Variants in INPP4B observed in about 807,000 individuals in gnomAD.
The protein encoded by INPP4B is inositol polyphosphate-4-phosphatase type II B.
INPP4B carries 55 observed loss-of-function variants against 122.5 expected under a neutral mutation model. The observed-to-expected ratio is 0.45, with a 90% CI of 0.36 to 0.56. The LOEUF (loss-of-function observed/expected upper bound fraction) is 0.56, where lower values mean the gene tolerates loss of function less well. Among genes scored for constraint, INPP4B ranks in the 20% least tolerant of loss-of-function variants. The probability of loss-of-function intolerance (pLI) is 0.00; values close to 1 mark genes in which losing one functional copy is unlikely to be tolerated. For synonymous variants in INPP4B, 403 were observed against 388.7 expected (o/e 1.04, Z -0.43); for missense variants, 1,000 against 1,097.7 (o/e 0.91, Z 1.26).
At chr4:142,177,412 A>G (rs1362571182) in intron 15 of INPP4B, among the ~76,000 whole-genome samples, 1 of 152,142 alleles carries the variant, frequency 6.6e-6, no homozygotes, top group Non-Finnish European at 1.5e-5. Context: ...ATCTAGATAA[A>G]AACAACATAA....
chr4:142,132,320 G>A (rs1353781803), intron 18 of INPP4B, among the ~76,000 whole-genome samples: 1 of 151,838 alleles, frequency 6.6e-6, no homozygotes, highest in Non-Finnish European at 1.5e-5. Flanking sequence ...ACTCTAAGAG[G>A]GCAGGCTCTG....
At chr4:142,668,151 A>C (rs1307518169) in intron 2 of INPP4B, among the ~76,000 whole-genome samples, 1 of 152,216 alleles carries the variant, frequency 6.6e-6, no homozygotes, top group African/African-American at 2.4e-5. Context: ...TATCAAACTG[A>C]ATTCAACAGC....
chr4:142,324,625 T>C (rs1456333142), intron 7 of INPP4B, among the ~76,000 whole-genome samples: 1 of 152,088 alleles, frequency 6.6e-6, no homozygotes, highest in African/African-American at 2.4e-5. Flanking sequence ...TTCAGACTTC[T>C]AGCCACAGGG....
chr4:142,368,444 T>C (rs1231078294), intron 7 of INPP4B, among the ~76,000 whole-genome samples: 5 of 152,138 alleles, frequency 3.3e-5, no homozygotes, highest in Non-Finnish European at 1.5e-5. Flanking sequence ...AATGTCTTTT[T>C]CATCATCTAT....
chr4:142,264,493 T>C (rs1741827712), intron 10 of INPP4B, among the ~76,000 whole-genome samples: 1 of 152,238 alleles, frequency 6.6e-6, no homozygotes, highest in African/African-American at 2.4e-5. Flanking sequence ...TCTACTACTA[T>C]GTGGTTTTAA....
At chr4:142,504,617 G>T (rs1364292732) in intron 2 of INPP4B, among the ~76,000 whole-genome samples, 1 of 152,068 alleles carries the variant, frequency 6.6e-6, no homozygotes, top group African/African-American at 2.4e-5. Flanking sequence ...TAGAAGAATG[G>T]CTGAGAGAGT....
chr4:142,462,730 C>A lies in INPP4B; in HGVS notation c.-190-4G>T, dbSNP rs1267498493. 1 of 152,012 alleles carries A rather than the reference C, an allele frequency of 6.6e-6. No homozygotes were observed. Among genetic ancestry groups the A allele is most frequent in the Admixed American group, 6.6e-5 (1 of 15,258 alleles). 9.4% of individuals were successfully genotyped at this position (152,012 alleles called of 1,614,324 possible). The stretch of plus-strand genomic sequence containing the variant: ...TTGTTTCGCTGGTTTCAAGGCTCTG[C>A]AAAAAACAAAATGGAAAGAAGTCAG... On this transcript the variant is annotated splice_polypyrimidine_tract_variant and splice_region_variant and intron_variant, in intron 2 of 25. Coordinates refer to ENST00000262992, the MANE Select transcript of INPP4B (RefSeq NM_001101669.3).
At chr4:142,683,949 T>G (rs543470340) in intron 2 of INPP4B, among the ~76,000 whole-genome samples, 1 of 152,010 alleles carries the variant, frequency 6.6e-6, no homozygotes, top group South Asian at 2.1e-4. Context: ...TGACAGGATT[T>G]TTGGATATTT....
In INPP4B at chr4:142,519,772, C is replaced by T. The variant is rs578241317; in HGVS notation, c.-190-57046G>A. On this transcript the variant is annotated intron_variant, in intron 2 of 25. Transcript: ENST00000262992. ...TTACATAAAATTAATTTATCATTAA[C>T]ATTTCAGATCAATGTTAAAATATGA... Among the ~76,000 whole-genome samples, 18 of 152,168 alleles carry T rather than the reference C, an allele frequency of 1.2e-4. No individual in the cohort carries two copies. The East Asian group carries it at 3.3e-3, about 28-fold the overall frequency.
chr4:142,736,564 T>C (rs1350066778), intron 1 of INPP4B, among the ~76,000 whole-genome samples: 1 of 152,196 alleles, frequency 6.6e-6, no homozygotes, highest in Non-Finnish European at 1.5e-5. Flanking sequence ...GAAGCAATTG[T>C]GAATGGGAGT....
At chr4:142,461,886 A>T (rs1458273882) in intron 3 of INPP4B, among the ~76,000 whole-genome samples, 1 of 152,036 alleles carries the variant, frequency 6.6e-6, no homozygotes, top group Non-Finnish European at 1.5e-5. Flanking sequence ...GGACCAGGAG[A>T]GAAGACCAAA....
intron 21 of INPP4B, among the ~76,000 whole-genome samples, chr4:142,117,790 T>C (rs574860249): frequency 6.6e-5 from 10 of 152,156 alleles, no homozygotes; most frequent in Admixed American, 6.6e-5. Context: ...AAGTTCTGGC[T>C]AGGGCAATCA....
At chr4:142,391,136 G>C (rs1310227046) in intron 7 of INPP4B, among the ~76,000 whole-genome samples, 1 of 152,162 alleles carries the variant, frequency 6.6e-6, no homozygotes, top group East Asian at 1.9e-4. Flanking sequence ...TACTAAAATT[G>C]TTTTGATATA....
At chr4:142,664,290 A>T (rs1755666730) in intron 2 of INPP4B, among the ~76,000 whole-genome samples, 1 of 152,102 alleles carries the variant, frequency 6.6e-6, no homozygotes, top group Admixed American at 6.6e-5. Context: ...TACCTGGCTC[A>T]CTGGCCCCTG....
rs572694864 is a variant in INPP4B at position 142,215,673 on chromosome 4, C to A, written c.837-6647G>T. Among the ~76,000 whole-genome samples, 3 of 151,824 alleles carry A rather than the reference C, an allele frequency of 2.0e-5. No homozygotes were observed. The South Asian group carries it at 6.3e-4, about 32-fold the overall frequency. ...CTTTGGGAGGCCGAGGCGGGCAGAT[C>A]ACGAGGTCAGGAGATTGAGACCATC... On this transcript the variant is annotated intron_variant, in intron 12 of 25. Coordinates refer to ENST00000262992, the MANE Select transcript of INPP4B (RefSeq NM_001101669.3).
intron 3 of INPP4B, among the ~76,000 whole-genome samples, chr4:142,443,873 G>A (rs1395754688): frequency 6.6e-6 from 1 of 152,056 alleles, no homozygotes; most frequent in African/African-American, 2.4e-5. Context: ...GGAAGAGAAG[G>A]AAAAGTGGGG....
intron 11 of INPP4B, among the ~76,000 whole-genome samples, chr4:142,254,181 A>G (rs574979272): frequency 2.0e-5 from 3 of 152,324 alleles, no homozygotes; most frequent in Admixed American, 2.0e-4. Context: ...CAGAAAGGAC[A>G]TCCACACCAA....
chr4:142,535,477 G>A (rs1828079040), intron 2 of INPP4B, among the ~76,000 whole-genome samples: 1 of 152,162 alleles, frequency 6.6e-6, no homozygotes, highest in Admixed American at 6.6e-5. Context: ...CTCTATGGCA[G>A]TGTAGCAAAA....
intron 25 of INPP4B, among the ~76,000 whole-genome samples, chr4:142,076,890 C>A (rs1228023399): frequency 6.6e-6 from 1 of 151,904 alleles, no homozygotes; most frequent in Admixed American, 6.6e-5. Flanking sequence ...AAAAAATAAG[C>A]TCAAGTGGAA....
Sources: gnomAD v4.1 joint callset for allele counts (sites outside exome capture counted in the v4.1 genomes callset) on GRCh38, gnomAD v4.1.1 for gene constraint, MANE v1.5 for transcripts, NCBI Gene and HGNC (gene_info 2026-07-23, HGNC 2026-07-21) for gene names.